Variants in TGM5 observed in about 807,000 individuals in gnomAD.
TGM5 encodes the protein protein-glutamine gamma-glutamyltransferase 5.
A neutral mutation model predicts 77.2 loss-of-function variants in TGM5; 69 were observed. The ratio of observed to expected loss-of-function variants is 0.89; its 90% confidence interval spans 0.74 to 1.09. The LOEUF (loss-of-function observed/expected upper bound fraction) is 1.09, where lower values mean the gene tolerates loss of function less well. TGM5 is among the 50% of genes least tolerant of loss of function. The probability of loss-of-function intolerance (pLI) is 0.00; values close to 1 mark genes in which losing one functional copy is unlikely to be tolerated. For missense variants in TGM5, 842 were observed against 896.5 expected, an observed-to-expected ratio of 0.94 and a Z score of 0.78; for synonymous variants, 346 against 351.8, an observed-to-expected ratio of 0.98 and a Z score of 0.18.
chr15:43,240,930 G>A lies in TGM5; in HGVS notation c.923C>T (p.Thr308Ile), dbSNP rs751023981. Reference sequence around the variant, plus strand: ...CTCATCTATGATCAGGTTTCCATCTGTATCGTGGCCAGAGTCGAAGTTGGT... The same window carrying A: ...CTCATCTATGATCAGGTTTCCATCTATATCGTGGCCAGAGTCGAAGTTGGT... ...VITNFDSGHD[T>I]DGNLIIDEYY... The change falls in exon 7 of 13, where the codon ACA becomes ATA. Residue 308 changes from threonine to isoleucine, a missense_variant. Coordinates refer to ENST00000220420, the MANE Select transcript of TGM5 (RefSeq NM_201631.4). 3.7e-6 allele frequency: 6 copies of A among 1,614,144 alleles called. No homozygotes were observed. Among genetic ancestry groups the A allele is most frequent in the South Asian group, 1.1e-5 (1 of 91,082 alleles).
intron 11 of TGM5, 150 bp from the exon 12 acceptor site, chr15:43,233,837 G>A (rs2042566866): frequency 2.7e-5 from 26 of 968,702 alleles, no homozygotes; most frequent in Non-Finnish European, 3.8e-5. Flanking sequence ...AGACAATTGA[G>A]AAGAAGCAGA....
chr15:43,240,948 A>C lies in TGM5; in HGVS notation c.905T>G (p.Phe302Cys). The change falls in exon 7 of 13, where the codon TTC becomes TGC. Residue 302 changes from phenylalanine (F) to cysteine (C), a missense_variant. By Grantham distance (205) the Phe-to-Cys change is radical. Transcript: ENST00000220420. ...TCCATCTGTATCGTGGCCAGAGTCG[A>C]AGTTGGTGATCACACGGGTAGGGAT... ...LGIPTRVITN[F>C]DSGHDTDGNL... 6.2e-7 allele frequency: 1 copy of C among 1,614,186 alleles called. No homozygotes were observed. Among genetic ancestry groups the C allele is most frequent in the Non-Finnish European group, 8.5e-7 (1 of 1,180,044 alleles).
chr15:43,256,715 C>T, intron 3 of TGM5, 29 bp from the exon 4 acceptor site: 1 of 1,509,610 alleles, frequency 6.6e-7, no homozygotes, highest in Non-Finnish European at 9.2e-7. Flanking sequence ...GGGCACGAAG[C>T]AGAAAAGTCA....
At chr15:43,255,071 C>T (rs986041631) in intron 4 of TGM5, among the ~76,000 whole-genome samples, 2 of 152,158 alleles carry the variant, frequency 1.3e-5, no homozygotes, top group African/African-American at 4.8e-5. Flanking sequence ...CGATGGCACA[C>T]ACCTGTAATC....
At position 43,253,505 on chromosome 15, in the gene TGM5, C is replaced by T. The variant is rs755087362; in HGVS notation, c.684+1G>A. 1.2e-6 allele frequency: 2 copies of T among 1,611,448 alleles called. No individual in the cohort carries two copies. Among genetic ancestry groups the T allele is most frequent in the East Asian group, 2.2e-5 (1 of 44,884 alleles). On this transcript the variant is annotated splice_donor_variant, in intron 5 of 12. Transcript: ENST00000220420. LOFTEE classifies it high-confidence loss of function. ...CTCCCCGGGCACGCCAGGGACCTCA[C>T]CATGGCACACACCACTCTGCTGACG...
chr15:43,256,460 C>T, intron 4 of TGM5, 108 bp downstream of exon 4: 1 of 893,530 alleles, frequency 1.1e-6, no homozygotes, highest in South Asian at 1.3e-5. Context: ...TTCCTCGTGC[C>T]ATTTAGTTAG....
chr15:43,236,140 C>G (rs1447482343), intron 9 of TGM5, among the ~76,000 whole-genome samples: 1 of 152,188 alleles, frequency 6.6e-6, no homozygotes, highest in Non-Finnish European at 1.5e-5. Flanking sequence ...CCAAGTCACA[C>G]AACTAGTAAG....
rs1015479664 is a variant in TGM5, at chr15:43,236,968, C to CAAA, written c.1346-1134_1346-1132dup. Reference sequence around the variant, plus strand: ...TAGGTGACAGAGCAAGACTCTGTCTCAAAAAAAAAAAAAAAAAAAAGAGTG... The same window carrying CAAA: ...TAGGTGACAGAGCAAGACTCTGTCTCAAAAAAAAAAAAAAAAAAAAAAAGAGTG... On this transcript the variant is annotated intron_variant, in intron 9 of 12. Coordinates refer to ENST00000220420, the MANE Select transcript of TGM5 (RefSeq NM_201631.4). 8.1e-3 allele frequency among the ~76,000 whole-genome samples: 494 copies of CAAA among 61,252 alleles called. 14 individuals carry two copies. Among genetic ancestry groups the CAAA allele is most frequent in the African/African-American group, 0.026 (468 of 17,742 alleles). 40.2% of individuals were successfully genotyped at this position (61,252 alleles called of 152,430 possible).
At chr15:43,255,175 A>T (rs2042734551) in intron 4 of TGM5, among the ~76,000 whole-genome samples, 2 of 152,036 alleles carry the variant, frequency 1.3e-5, no homozygotes. Flanking sequence ...CTCTGCAAAA[A>T]ATAAAAAAAT....
In TGM5 at chr15:43,239,005, A is replaced by ACTTCTC; in HGVS notation, c.1151_1156dup (p.Gly384_Glu385dup). The ACTTCTC allele has an allele frequency of 6.2e-7, 1 of 1,613,904 alleles. No homozygotes were observed. The highest frequency in any genetic ancestry group is 8.5e-7 in the Non-Finnish European group (1 of 1,180,004). Reference sequence around the variant, plus strand: ...AAAGGGCGTGTCATAGTTCAGGTCCACTTCTCCTTCTTTGATGGCTCTGAC... The same window carrying ACTTCTC: ...AAAGGGCGTGTCATAGTTCAGGTCCACTTCTCCTTCTCCTTCTTTGATGGCTCTGAC... On this transcript the variant is annotated inframe_insertion, in exon 9 of 13. Coordinates refer to ENST00000220420, the MANE Select transcript of TGM5 (RefSeq NM_201631.4).
In TGM5 at chr15:43,233,648, G is replaced by C. The variant is rs1392903556; in HGVS notation, c.1915C>G (p.Gln639Glu). Reference protein sequence around the residue: ...AAVVNQPLSIQVIFSNPLSEQ... With the variant: ...AAVVNQPLSIEVIFSNPLSEQ... Reference sequence around the variant, plus strand: ...GAGAGGGGGTTTGAAAATATCACCTGTATGGAGAGTGGCTGGTTCACAACG... The same window carrying C: ...GAGAGGGGGTTTGAAAATATCACCTCTATGGAGAGTGGCTGGTTCACAACG... The change falls in exon 12 of 13, where the codon CAG (glutamine) becomes GAG (glutamate). Residue 639 changes from glutamine to glutamate, a missense_variant. Physicochemically the swap from Gln to Glu is conservative, Grantham distance 29 (BLOSUM62 2). Transcript: ENST00000220420. 1.9e-6 allele frequency: 3 copies of C among 1,614,194 alleles called. No homozygotes were observed. The highest frequency in any genetic ancestry group is 1.7e-4 in the Middle Eastern group (1 of 6,060).
chr15:43,245,929 G>T (rs890664794), intron 6 of TGM5, among the ~76,000 whole-genome samples: 2 of 151,636 alleles, frequency 1.3e-5, no homozygotes, highest in African/African-American at 2.4e-5. Context: ...GGCAAAAAAG[G>T]CCCCTTCACA....
intron 3 of TGM5, 149 bp downstream of exon 3, chr15:43,259,903 G>T: frequency 9.3e-7 from 1 of 1,074,292 alleles, no homozygotes; most frequent in Non-Finnish European, 1.4e-6. Flanking sequence ...TTCCTGCCCT[G>T]ATTGGTGGTA....
At chr15:43,240,474 T>C (rs2042626538) in intron 7 of TGM5, among the ~76,000 whole-genome samples, 1 of 141,818 alleles carries the variant, frequency 7.1e-6, no homozygotes, top group African/African-American at 3.1e-5. Context: ...TTTTCTCCTA[T>C]TGATCTGATT....
chr15:43,256,518 TC>T (rs766409148), intron 4 of TGM5, 49 bp downstream of exon 4: 1 of 1,419,302 alleles, frequency 7.0e-7, no homozygotes, highest in Non-Finnish European at 1.0e-6. Flanking sequence ...CTGCTCCCTC[TC>T]CCCACAAGCT....
Position 43,232,849 on chromosome 15 carries a change from C to A in TGM5, c.*342G>T. 1 of 322,250 alleles carries A rather than the reference C, an allele frequency of 3.1e-6. No individual in the cohort carries two copies. The highest frequency in any genetic ancestry group is 2.9e-5 in the South Asian group (1 of 34,682). The allele number at this position is 322,250 out of a possible 1,614,324, so 20.0% of individuals were successfully genotyped here. A position where few individuals can be genotyped will look rare whatever the true frequency, so the allele number is the denominator to read the frequency against. Reference sequence around the variant, plus strand: ...CTGAAAAGAGTCCAGGGGAGCTGTGCAAATGGTCCAGGGAAATATCCATCC... The same window carrying A: ...CTGAAAAGAGTCCAGGGGAGCTGTGAAAATGGTCCAGGGAAATATCCATCC... On this transcript the variant is annotated 3_prime_UTR_variant, in exon 13 of 13. Transcript: ENST00000220420.
At chr15:43,237,400 C>G (rs1320282356) in intron 9 of TGM5, among the ~76,000 whole-genome samples, 1 of 152,232 alleles carries the variant, frequency 6.6e-6, no homozygotes, top group Non-Finnish European at 1.5e-5. Context: ...GATAAACACC[C>G]TAGCCCCTGT....
At chr15:43,250,130 C>T (rs966686841) in intron 6 of TGM5, among the ~76,000 whole-genome samples, 3 of 152,162 alleles carry the variant, frequency 2.0e-5, no homozygotes, top group Non-Finnish European at 4.4e-5. Context: ...ACATGGCTTA[C>T]AGAGCCAGCC....
chr15:43,236,896 G>A (rs183286663), intron 9 of TGM5, among the ~76,000 whole-genome samples: 2 of 149,548 alleles, frequency 1.3e-5, no homozygotes, highest in East Asian at 4.0e-4. Flanking sequence ...TTGAACCCAG[G>A]AAGCAGAGGT....
Sources: allele counts gnomAD v4.1 joint callset (sites outside exome capture counted in the v4.1 genomes callset), GRCh38; gene constraint gnomAD v4.1.1; transcripts MANE v1.5; gene names NCBI Gene and HGNC (gene_info 2026-07-23, HGNC 2026-07-21).